The following LOC131768270 variants were observed in gnomAD, a reference collection of about 807,000 sequenced individuals.
the LOC131768270 span, chr5:140,566,510 C>T: frequency 2.4e-6 from 1 of 410,622 alleles, no homozygotes. Flanking sequence ...TTGAGTAGCC[C>T]CTGGACAGTC....
chr5:140,567,162 G>A, the LOC131768270 span: 4 of 1,614,188 alleles, frequency 2.5e-6, no homozygotes, highest in Admixed American at 1.7e-5. Context: ...CCAGGGTCTT[G>A]TGTGGGTATG....
chr5:140,567,996 G>A, the LOC131768270 span: 2 of 1,614,134 alleles, frequency 1.2e-6, no homozygotes, highest in South Asian at 2.2e-5. Context: ...CATGGCAGCA[G>A]CATCACACGC....
chr5:140,568,662 T>TA, the LOC131768270 span: 1 of 181,498 alleles, frequency 5.5e-6, no homozygotes, highest in African/African-American at 2.4e-5. Context: ...ATACAACCAT[T>TA]ACCCAAACCA....
the LOC131768270 span, chr5:140,567,816 C>T: frequency 6.2e-7 from 1 of 1,614,070 alleles, no homozygotes; most frequent in Non-Finnish European, 8.5e-7. Context: ...CAGCGGCTGC[C>T]CCTGGCACTT....
the LOC131768270 span, chr5:140,564,874 G>C: frequency 7.4e-6 from 3 of 406,334 alleles, no homozygotes; most frequent in Non-Finnish European, 1.3e-5. The surrounding 1 kb of genome is among the most constrained non-coding windows in gnomAD (Gnocchi z 5.0). Context: ...TGGCCGTGGG[G>C]GTGATCTGCA....
At chr5:140,568,333 G>T in the LOC131768270 span, 3 of 871,330 alleles carry the variant, frequency 3.4e-6, no homozygotes, top group Admixed American at 8.6e-5. Flanking sequence ...CCTAGGAGAT[G>T]TGAAGTGTGG....
the LOC131768270 span, chr5:140,568,130 T>A: frequency 6.2e-7 from 1 of 1,613,460 alleles, no homozygotes. Context: ...GCGCCTGTAC[T>A]ATGGCAGCCG....
At chr5:140,565,910 A>T in the LOC131768270 span, 1 of 398,896 alleles carries the variant, frequency 2.5e-6, no homozygotes, top group Admixed American at 4.4e-5. Context: ...GCATTTCTCA[A>T]GAACCAGCTG....
At chr5:140,568,171 G>A in the LOC131768270 span, 35 of 1,613,322 alleles carry the variant, frequency 2.2e-5, no homozygotes, top group African/African-American at 4.0e-5. Flanking sequence ...CCCTGATTCC[G>A]GACCCTGTAG....
chr5:140,567,363 G>A, the LOC131768270 span: 1 of 1,614,196 alleles, frequency 6.2e-7, no homozygotes, highest in Non-Finnish European at 8.5e-7. Context: ...CTACTGTTAT[G>A]CGCCTTCTCC....
chr5:140,567,311 T>C, the LOC131768270 span: 3 of 1,614,170 alleles, frequency 1.9e-6, no homozygotes, highest in South Asian at 2.2e-5. Flanking sequence ...CCGAGTGCCC[T>C]TCCGGCCCTC....
chr5:140,567,738 T>C, the LOC131768270 span: 2 of 1,614,168 alleles, frequency 1.2e-6, no homozygotes, highest in South Asian at 2.2e-5. Context: ...CTAGGCCTGC[T>C]GCTCCTCATT....
At chr5:140,566,960 G>A in the LOC131768270 span, 1 of 755,362 alleles carries the variant, frequency 1.3e-6, no homozygotes, top group African/African-American at 1.7e-5. Flanking sequence ...TAGCTCCATG[G>A]GACTCGCCCC....
At chr5:140,567,043 A>G in the LOC131768270 span, 1 of 1,460,224 alleles carries the variant, frequency 6.8e-7, no homozygotes, top group Non-Finnish European at 9.5e-7. Flanking sequence ...GATGCCTCTG[A>G]TCCTCAGTAT....
chr5:140,568,137 G>C, the LOC131768270 span: 1 of 1,613,640 alleles, frequency 6.2e-7, no homozygotes, highest in African/African-American at 1.3e-5. Context: ...TACTATGGCA[G>C]CCGCTAGTCC....
the LOC131768270 span, chr5:140,568,249 G>T: frequency 2.6e-6 from 4 of 1,564,494 alleles, no homozygotes; most frequent in East Asian, 9.0e-5. Context: ...CCTGTAACAA[G>T]TGCCTTGTGA....
At chr5:140,567,424 G>T in the LOC131768270 span, 1 of 1,614,142 alleles carries the variant, frequency 6.2e-7, no homozygotes, top group Non-Finnish European at 8.5e-7. Flanking sequence ...CCTGGCGCCA[G>T]GCTGCTCCCT....
At chr5:140,568,157 T>G in the LOC131768270 span, 7 of 1,613,732 alleles carry the variant, frequency 4.3e-6, no homozygotes, top group Non-Finnish European at 5.1e-6. Context: ...CCTGACAACT[T>G]CCACCCTGAT....
At chr5:140,567,587 G>C in the LOC131768270 span, 4 of 1,614,252 alleles carry the variant, frequency 2.5e-6, no homozygotes, top group Non-Finnish European at 3.4e-6. Flanking sequence ...CCGCCTCTCT[G>C]TGCGTCAGGG....
Sources: gnomAD v4.1 joint callset for allele counts on GRCh38, gnomAD v4.1.1 for gene constraint, Gnocchi (gnomAD v3.1) non-coding constraint, MANE v1.5 for transcripts.